The following ERG variants were observed in gnomAD, a reference collection of about 807,000 sequenced individuals.
The protein encoded by ERG is transcriptional regulator ERG.
A neutral mutation model predicts 55.3 loss-of-function variants in ERG; 9 were observed. That is an observed-to-expected ratio of 0.16 (90% CI 0.10 to 0.28). ERG has a LOEUF of 0.28. Ranked by LOEUF, ERG falls within the 10% of genes least tolerant of loss-of-function variation. ERG has a pLI of 1.00. For missense variants in ERG, 434 were observed against 631.6 expected (o/e 0.69, Z 3.35); for synonymous variants, 223 against 237.3 (o/e 0.94, Z 0.55).
intron 2 of ERG, among the ~76,000 whole-genome samples, chr21:38,510,220 A>G: frequency 6.6e-6 from 1 of 152,252 alleles, no homozygotes; most frequent in South Asian, 2.1e-4. Context: ...GAATGCCTAT[A>G]GACAACGTGT....
At chr21:38,596,431 A>C (rs2060131997) in intron 1 of ERG, among the ~76,000 whole-genome samples, 1 of 152,214 alleles carries the variant, frequency 6.6e-6, no homozygotes, top group African/African-American at 2.4e-5. Flanking sequence ...AACAGCAGAG[A>C]AAGCAAACAG....
intron 2 of ERG, among the ~76,000 whole-genome samples, chr21:38,569,457 T>G (rs748133472): frequency 6.6e-6 from 1 of 152,216 alleles, no homozygotes; most frequent in African/African-American, 2.4e-5. Context: ...ATGTGATGAT[T>G]TGCTAAAGTA....
chr21:38,588,942 G>A (rs932213407), upstream of ERG, among the ~76,000 whole-genome samples: 1 of 152,040 alleles, frequency 6.6e-6, no homozygotes, highest in Non-Finnish European at 1.5e-5. Flanking sequence ...TTTTGTCCAG[G>A]CCAATCTCGA....
intron 2 of ERG, among the ~76,000 whole-genome samples, chr21:38,553,577 T>A (rs1228435593): frequency 6.6e-6 from 1 of 152,116 alleles, no homozygotes; most frequent in Non-Finnish European, 1.5e-5. Flanking sequence ...AAACAAGCAA[T>A]GTGGAAAGGA....
At chr21:38,646,226 A>G (rs891969264) in intron 1 of ERG, among the ~76,000 whole-genome samples, 4 of 150,220 alleles carry the variant, frequency 2.7e-5, no homozygotes, top group Non-Finnish European at 5.9e-5. Flanking sequence ...GGCTGCAGTG[A>G]GCAAAGATGG....
At chr21:38,609,074 T>A (rs977681912) in intron 1 of ERG, among the ~76,000 whole-genome samples, 1 of 152,156 alleles carries the variant, frequency 6.6e-6, no homozygotes, top group East Asian at 1.9e-4. Context: ...CTACAATCCA[T>A]GTAAGAGATT....
chr21:38,508,985 C>T (rs1463550278), intron 2 of ERG, among the ~76,000 whole-genome samples: 3 of 152,184 alleles, frequency 2.0e-5, no homozygotes. Flanking sequence ...GTGTTCCAGT[C>T]ATCAGTCCCA....
intron 1 of ERG, among the ~76,000 whole-genome samples, chr21:38,660,024 G>C (rs1444379614): frequency 1.3e-5 from 2 of 152,124 alleles, no homozygotes; most frequent in African/African-American, 4.8e-5. Flanking sequence ...GACTGAGACT[G>C]AGAGTGGGAA....
chr21:38,612,663 CTTTTT>C (rs869196064), intron 1 of ERG, among the ~76,000 whole-genome samples: 1 of 137,966 alleles, frequency 7.2e-6, no homozygotes. Flanking sequence ...TTGACATTTC[CTTTTT>C]TTTTTTTTTT....
chr21:38,570,374 T>C (rs2059949966), intron 2 of ERG, among the ~76,000 whole-genome samples: 1 of 152,224 alleles, frequency 6.6e-6, no homozygotes, highest in Non-Finnish European at 1.5e-5. Context: ...GAGGAGTATA[T>C]AACTTTTTTA....
At chr21:38,637,738 C>T (rs1055207093) in intron 1 of ERG, among the ~76,000 whole-genome samples, 3 of 152,074 alleles carry the variant, frequency 2.0e-5, no homozygotes, top group Admixed American at 6.5e-5. Context: ...TGTTCACTTG[C>T]TTTGTCCTTA....
chr21:38,400,948 C>A (rs911055275), intron 5 of ERG, among the ~76,000 whole-genome samples: 3 of 152,192 alleles, frequency 2.0e-5, no homozygotes, highest in Non-Finnish European at 4.4e-5. Flanking sequence ...ACTGGGCAAT[C>A]TCGTTTTATT....
At chr21:38,623,762 G>A (rs1044151384) in intron 1 of ERG, among the ~76,000 whole-genome samples, 23 of 152,140 alleles carry the variant, frequency 1.5e-4, no homozygotes, top group Admixed American at 9.8e-4. Flanking sequence ...AGCAGGGGTC[G>A]AACTTAAAAT....
intron 1 of ERG, among the ~76,000 whole-genome samples, chr21:38,608,844 G>A (rs754982132): frequency 6.6e-6 from 1 of 152,178 alleles, no homozygotes; most frequent in Admixed American, 6.5e-5. Flanking sequence ...AGGCGGTTTA[G>A]GGAGGAAGAA....
At chr21:38,499,824 G>C (rs945794715), upstream of ERG, among the ~76,000 whole-genome samples, 10 of 142,938 alleles carry the variant, frequency 7.0e-5, no homozygotes, top group Middle Eastern at 3.4e-3. Flanking sequence ...AGAGAGAAAG[G>C]AAGGAGGATG....
At chr21:38,654,453 C>CAGAGCA (rs2060506847) in intron 1 of ERG, among the ~76,000 whole-genome samples, 1 of 152,250 alleles carries the variant, frequency 6.6e-6, no homozygotes, top group South Asian at 2.1e-4. Flanking sequence ...GCCTGGGCAA[C>CAGAGCA]AGAGCAAGGC....
At chr21:38,421,636 G>A (rs1196707280) in intron 3 of ERG, among the ~76,000 whole-genome samples, 1 of 152,168 alleles carries the variant, frequency 6.6e-6, no homozygotes, top group Non-Finnish European at 1.5e-5. Flanking sequence ...AGTTTGTGCA[G>A]ATTTCACCCA....
chr21:38,530,552 T>C (rs2059665101), intron 2 of ERG, among the ~76,000 whole-genome samples: 1 of 152,172 alleles, frequency 6.6e-6, no homozygotes, highest in African/African-American at 2.4e-5. Context: ...GTCTCAAAAC[T>C]GTCTGGCAGA....
intron 1 of ERG, among the ~76,000 whole-genome samples, chr21:38,620,772 A>G (rs73908329): frequency 0.049 from 7,417 of 152,236 alleles, 570 homozygotes; most frequent in African/African-American, 0.17. Context: ...CCAGTACACA[A>G]GTGTGGTGGG....
Sources: allele counts gnomAD v4.1 joint callset (sites outside exome capture counted in the v4.1 genomes callset), GRCh38; gene constraint gnomAD v4.1.1; transcripts MANE v1.5; gene names NCBI Gene and HGNC (gene_info 2026-07-23, HGNC 2026-07-21).